Variants in NFIA observed in about 807,000 individuals in gnomAD.
NFIA encodes the protein nuclear factor I A.
A neutral mutation model predicts 62.8 loss-of-function variants in NFIA; 8 were observed. That is an observed-to-expected ratio of 0.13 (90% confidence interval 0.07 to 0.23). The LOEUF (loss-of-function observed/expected upper bound fraction) is 0.23. Ranked by LOEUF, NFIA falls within the 10% of genes least tolerant of loss-of-function variation. The pLI is 1.00. For missense variants in NFIA, 410 were observed against 642.1 expected (o/e 0.64, Z 3.91); for synonymous variants, 235 against 238.1 (o/e 0.99, Z 0.12).
chr1:61,412,932 T>G (rs543631625), intron 9 of NFIA, among the ~76,000 whole-genome samples: 1 of 152,112 alleles, frequency 6.6e-6, no homozygotes, highest in Non-Finnish European at 1.5e-5. Context: ...GGAATCAATA[T>G]ACTATAAAAA....
At chr1:61,128,665 C>T (rs1647017556) in intron 2 of NFIA, among the ~76,000 whole-genome samples, 1 of 152,072 alleles carries the variant, frequency 6.6e-6, no homozygotes, top group Non-Finnish European at 1.5e-5. Flanking sequence ...TGTTGATTAG[C>T]ATAACCCCGA....
chr1:61,148,208 T>A (rs1648146176), intron 2 of NFIA, among the ~76,000 whole-genome samples: 1 of 152,140 alleles, frequency 6.6e-6, no homozygotes, highest in Admixed American at 6.5e-5. Flanking sequence ...GGAGAATGAA[T>A]GAGTGGTTGT....
intron 2 of NFIA, among the ~76,000 whole-genome samples, chr1:61,258,116 G>T (rs564706628): frequency 6.6e-6 from 1 of 151,952 alleles, no homozygotes; most frequent in Non-Finnish European, 1.5e-5. Flanking sequence ...GAATATACCT[G>T]TAGTATGTTA....
chr1:61,444,918 G>A (rs1667740163), intron 10 of NFIA, among the ~76,000 whole-genome samples: 1 of 152,210 alleles, frequency 6.6e-6, no homozygotes, highest in Non-Finnish European at 1.5e-5. Flanking sequence ...TGACAGTAGA[G>A]GTGTGGGACC....
chr1:61,146,710 A>G (rs1250384169), intron 2 of NFIA, among the ~76,000 whole-genome samples: 1 of 152,108 alleles, frequency 6.6e-6, no homozygotes, highest in Non-Finnish European at 1.5e-5. Context: ...CTTGTTGCCC[A>G]CTGTCCCCAT....
At chr1:61,077,382 G>A (rs1024891507), upstream of NFIA, 3 of 388,022 alleles carry the variant, frequency 7.7e-6, no homozygotes, top group Non-Finnish European at 1.4e-5. Context: ...GAGCGAGCGA[G>A]AGCGAGACAG....
chr1:61,433,601 TA>T (rs201362416), intron 10 of NFIA, among the ~76,000 whole-genome samples: 1 of 152,064 alleles, frequency 6.6e-6, no homozygotes. Flanking sequence ...TCTGTTAGTG[TA>T]AAAAAAGTGT....
chr1:61,377,094 G>C (rs1471080060), intron 6 of NFIA, among the ~76,000 whole-genome samples: 1 of 151,874 alleles, frequency 6.6e-6, no homozygotes, highest in Non-Finnish European at 1.5e-5. Context: ...ATGGTGGCAT[G>C]TGCCTGTAGA....
At chr1:61,078,816 C>G (rs1228523129), upstream of NFIA, among the ~76,000 whole-genome samples, 1 of 152,198 alleles carries the variant, frequency 6.6e-6, no homozygotes, top group Non-Finnish European at 1.5e-5. Flanking sequence ...TATGGAAGAT[C>G]GCTGACTTGC....
chr1:61,358,715 G>T (rs908222960), intron 5 of NFIA, among the ~76,000 whole-genome samples: 4 of 152,174 alleles, frequency 2.6e-5, no homozygotes, highest in African/African-American at 9.6e-5. Context: ...GAAGGATCAC[G>T]AGCCCTGCTT....
intron 4 of NFIA, among the ~76,000 whole-genome samples, chr1:61,352,112 G>A (rs1352484288): frequency 6.6e-6 from 1 of 152,198 alleles, no homozygotes; most frequent in Admixed American, 6.5e-5. Context: ...AGTTAGAAAA[G>A]TCTAAAGAGT....
At chr1:61,309,639 C>T in intron 3 of NFIA, among the ~76,000 whole-genome samples, 1 of 152,138 alleles carries the variant, frequency 6.6e-6, no homozygotes, top group East Asian at 1.9e-4. Context: ...GCCTATAATC[C>T]CAGCACTCTG....
chr1:61,316,354 A>G (rs1397481662), intron 3 of NFIA, among the ~76,000 whole-genome samples: 1 of 152,202 alleles, frequency 6.6e-6, no homozygotes, highest in Non-Finnish European at 1.5e-5. Context: ...ACAGCTCAAC[A>G]GTGGCAAGAT....
chr1:61,155,529 C>T (rs948211135), intron 2 of NFIA, among the ~76,000 whole-genome samples: 7 of 151,454 alleles, frequency 4.6e-5, no homozygotes, highest in Admixed American at 6.6e-5. Context: ...AAAAATTAGC[C>T]GGGCGCGGTG....
At chr1:61,197,993 G>A (rs995430777) in intron 2 of NFIA, among the ~76,000 whole-genome samples, 6 of 152,004 alleles carry the variant, frequency 3.9e-5, no homozygotes, top group African/African-American at 1.2e-4. Flanking sequence ...AAGAAAGAAA[G>A]AGAGAAAGAA....
intron 2 of NFIA, among the ~76,000 whole-genome samples, chr1:61,145,756 T>C (rs1468477699): frequency 6.6e-6 from 1 of 152,188 alleles, no homozygotes; most frequent in Non-Finnish European, 1.5e-5. Context: ...AGTCAAACCA[T>C]TTGGCGTTCT....
intron 2 of NFIA, among the ~76,000 whole-genome samples, chr1:61,226,363 A>G (rs916883826): frequency 2.6e-5 from 4 of 152,188 alleles, no homozygotes; most frequent in Non-Finnish European, 5.9e-5. Context: ...AAGATTTCAT[A>G]ATATTCCTTT....
chr1:61,199,776 C>T (rs756302852), intron 2 of NFIA, among the ~76,000 whole-genome samples: 2 of 151,560 alleles, frequency 1.3e-5, no homozygotes, highest in Non-Finnish European at 2.9e-5. Context: ...AGGTGGGTCA[C>T]TTGAGGTCAG....
intron 3 of NFIA, among the ~76,000 whole-genome samples, chr1:61,313,118 G>A (rs1346423367): frequency 1.3e-5 from 2 of 152,146 alleles, no homozygotes; most frequent in African/African-American, 2.4e-5. Flanking sequence ...GTGTGTTAGC[G>A]GTGACAAATT....
Sources: allele counts gnomAD v4.1 joint callset (sites outside exome capture counted in the v4.1 genomes callset), GRCh38; gene constraint gnomAD v4.1.1; transcripts MANE v1.5; gene names NCBI Gene and HGNC (gene_info 2026-07-23, HGNC 2026-07-21).